The following NRG1 variants were observed in gnomAD, a reference collection of about 807,000 sequenced individuals.
NRG1 encodes the protein neuregulin 1, also known as pro-neuregulin-1, membrane-bound isoform.
A neutral mutation model predicts 63.8 loss-of-function variants in NRG1; 18 were observed. The ratio of observed to expected loss-of-function variants is 0.28; its 90% CI spans 0.19 to 0.42. NRG1 has a LOEUF of 0.42. Among genes scored for constraint, NRG1 ranks in the 10% least tolerant of loss-of-function variants. NRG1 has a pLI of 1.00. For missense variants in NRG1, 762 were observed against 814.7 expected, an observed-to-expected ratio of 0.94 and a Z score of 0.79; for synonymous variants, 302 against 301.3, an observed-to-expected ratio of 1.00 and a Z score of -0.02.
chr8:32,433,218 AG>A (rs1478915038), intron 1 of NRG1, among the ~76,000 whole-genome samples: 1 of 152,180 alleles, frequency 6.6e-6, no homozygotes, highest in Non-Finnish European at 1.5e-5. Flanking sequence ...GGAAGGAACA[AG>A]TGATGAGACA....
intron 1 of NRG1, among the ~76,000 whole-genome samples, chr8:32,331,272 T>A (rs1378848438): frequency 6.7e-6 from 1 of 149,964 alleles, no homozygotes. Flanking sequence ...GAGGGGGATG[T>A]AATCCCAGCA....
intron 1 of NRG1, among the ~76,000 whole-genome samples, chr8:32,488,701 T>C (rs890405243): frequency 3.3e-5 from 5 of 152,148 alleles, no homozygotes; most frequent in South Asian, 2.1e-4. Flanking sequence ...AATTGTTCAG[T>C]GATGCTCTCT....
At chr8:32,185,069 C>G (rs1287428931) in intron 1 of NRG1, among the ~76,000 whole-genome samples, 1 of 152,120 alleles carries the variant, frequency 6.6e-6, no homozygotes, top group Non-Finnish European at 1.5e-5. Context: ...TTTCCTAAGC[C>G]TGTTTACTCT....
intron 1 of NRG1, among the ~76,000 whole-genome samples, chr8:31,738,942 AATAAG>A (rs1170233681): frequency 1.3e-5 from 2 of 152,084 alleles, no homozygotes; most frequent in African/African-American, 4.8e-5. Flanking sequence ...TTTATTTCCA[AATAAG>A]GTCACATTCT....
intron 1 of NRG1, among the ~76,000 whole-genome samples, chr8:32,150,164 T>C (rs1837345368): frequency 6.6e-6 from 1 of 150,598 alleles, no homozygotes; most frequent in African/African-American, 2.4e-5. Flanking sequence ...CAAACTGCAT[T>C]TGTATTCATT....
intron 1 of NRG1, among the ~76,000 whole-genome samples, chr8:31,761,336 A>T (rs1368455602): frequency 1.3e-5 from 2 of 152,134 alleles, no homozygotes; most frequent in Non-Finnish European, 2.9e-5. Context: ...TAGCATTAGG[A>T]GATATACCTA....
chr8:31,833,399 C>T (rs143399722), intron 1 of NRG1, among the ~76,000 whole-genome samples: 1 of 152,236 alleles, frequency 6.6e-6, no homozygotes, highest in African/African-American at 2.4e-5. Flanking sequence ...TGTCTGAATC[C>T]TCTGGACCTG....
At chr8:32,235,580 G>C (rs1847461497) in intron 1 of NRG1, among the ~76,000 whole-genome samples, 1 of 152,072 alleles carries the variant, frequency 6.6e-6, no homozygotes, top group Non-Finnish European at 1.5e-5. Context: ...GAGACCAGAA[G>C]GGGTCATTTT....
intron 1 of NRG1, among the ~76,000 whole-genome samples, chr8:32,238,198 C>T (rs1241965098): frequency 6.6e-6 from 1 of 152,056 alleles, no homozygotes; most frequent in African/African-American, 2.4e-5. Flanking sequence ...CGTGGTGGCT[C>T]ATGCCTGTAA....
intron 1 of NRG1, among the ~76,000 whole-genome samples, chr8:32,578,604 A>G (rs1840088696): frequency 6.6e-6 from 1 of 152,044 alleles, no homozygotes; most frequent in East Asian, 1.9e-4. Flanking sequence ...TGACAATACA[A>G]TTGTTCAGGA....
intron 1 of NRG1, among the ~76,000 whole-genome samples, chr8:32,448,781 C>T (rs1049235659): frequency 6.6e-6 from 1 of 152,104 alleles, no homozygotes; most frequent in Admixed American, 6.5e-5. Context: ...TGCCCTCAGC[C>T]CAAATATAAG....
intron 1 of NRG1, among the ~76,000 whole-genome samples, chr8:31,768,452 C>G (rs1818293349): frequency 6.6e-6 from 1 of 152,112 alleles, no homozygotes; most frequent in South Asian, 2.1e-4. Flanking sequence ...TACTTAAGCT[C>G]TCTGGAAGAT....
intron 1 of NRG1, among the ~76,000 whole-genome samples, chr8:32,129,066 C>G (rs1474989647): frequency 1.3e-5 from 2 of 151,934 alleles, no homozygotes; most frequent in Non-Finnish European, 2.9e-5. Context: ...GGTTCTGCCT[C>G]TGGACCATGT....
At chr8:32,001,720 T>C (rs55694684) in intron 1 of NRG1, among the ~76,000 whole-genome samples, 10,809 of 152,064 alleles carry the variant, frequency 0.071, 498 homozygotes, top group Middle Eastern at 0.16. Context: ...TGAGTAATAC[T>C]AGCAGGGATA....
upstream of NRG1, among the ~76,000 whole-genome samples, chr8:32,544,818 C>T (rs930194181): frequency 5.3e-5 from 8 of 151,496 alleles, no homozygotes; most frequent in South Asian, 2.1e-4. Context: ...CCACCATGCC[C>T]GGCCTGTCTA....
intron 1 of NRG1, among the ~76,000 whole-genome samples, chr8:31,689,712 A>G (rs543182096): frequency 5.4e-4 from 83 of 152,322 alleles, no homozygotes; most frequent in African/African-American, 1.9e-3. Context: ...AGTACCTATT[A>G]TGGCTAACTA....
chr8:31,808,533 CCTT>C (rs1469149816), intron 1 of NRG1, among the ~76,000 whole-genome samples: 2 of 151,944 alleles, frequency 1.3e-5, no homozygotes, highest in African/African-American at 4.8e-5. Flanking sequence ...GCATTACCTT[CCTT>C]CTTTATTATT....
intron 1 of NRG1, among the ~76,000 whole-genome samples, chr8:32,164,107 T>C (rs1839150841): frequency 1.3e-5 from 2 of 152,186 alleles, no homozygotes; most frequent in African/African-American, 4.8e-5. Context: ...CTTTTCATCC[T>C]TCTTTATGTT....
intron 1 of NRG1, among the ~76,000 whole-genome samples, chr8:31,818,594 C>G (rs369439764): frequency 6.6e-6 from 1 of 152,068 alleles, no homozygotes; most frequent in Non-Finnish European, 1.5e-5. Flanking sequence ...CAATAGGGTT[C>G]GTGCTCCTAT....
Sources: allele counts gnomAD v4.1 joint callset (sites outside exome capture counted in the v4.1 genomes callset), GRCh38; gene constraint gnomAD v4.1.1; transcripts MANE v1.5; gene names NCBI Gene and HGNC (gene_info 2026-07-23, HGNC 2026-07-21).